CNTN4: variants seen among roughly 807,000 people sequenced by gnomAD.
CNTN4 encodes the protein contactin 4.
In CNTN4, 77 loss-of-function variants were observed where a neutral mutation model predicts 122.5. The ratio of observed to expected loss-of-function variants is 0.63; its 90% CI spans 0.52 to 0.76. The LOEUF is 0.76. CNTN4 is among the 30% of genes least tolerant of loss of function. CNTN4 has a pLI of 0.00. For synonymous variants in CNTN4, 512 were observed against 447.0 expected (o/e 1.15, Z -1.83); for missense variants, 1,256 against 1,259.1 (o/e 1.00, Z 0.04).
At chr3:2,751,436 T>G (rs1399183962) in intron 6 of CNTN4, among the ~76,000 whole-genome samples, 2 of 152,234 alleles carry the variant, frequency 1.3e-5, no homozygotes, top group Non-Finnish European at 2.9e-5. Flanking sequence ...CATGAAGTGT[T>G]TCAAAGGAAA....
At chr3:2,983,526 C>T (rs1288774429) in intron 13 of CNTN4, among the ~76,000 whole-genome samples, 1 of 152,178 alleles carries the variant, frequency 6.6e-6, no homozygotes, top group Non-Finnish European at 1.5e-5. Context: ...ATGAGTGTCT[C>T]ACTGACATAT....
intron 3 of CNTN4, among the ~76,000 whole-genome samples, chr3:2,463,859 G>A (rs186674080): frequency 2.0e-5 from 3 of 152,286 alleles, no homozygotes; most frequent in African/African-American, 7.2e-5. Context: ...ACTACGGTAT[G>A]ATATGTCATG....
intron 6 of CNTN4, among the ~76,000 whole-genome samples, chr3:2,814,553 C>T (rs139238898): frequency 3.9e-4 from 59 of 152,296 alleles, no homozygotes; most frequent in African/African-American, 1.4e-3. Context: ...AGTACTTATA[C>T]CAACCCATCA....
chr3:2,834,233 G>C (rs1576987889), intron 7 of CNTN4, among the ~76,000 whole-genome samples: 1 of 152,108 alleles, frequency 6.6e-6, no homozygotes, highest in East Asian at 1.9e-4. Context: ...AAATAAAAAT[G>C]GGATATGTAC....
intron 2 of CNTN4, among the ~76,000 whole-genome samples, chr3:2,204,483 T>C (rs1426713857): frequency 6.6e-6 from 1 of 152,212 alleles, no homozygotes; most frequent in East Asian, 1.9e-4. Flanking sequence ...TTTGCACTTT[T>C]GTGTATCTCT....
intron 3 of CNTN4, among the ~76,000 whole-genome samples, chr3:2,441,965 A>G (rs946529319): frequency 2.6e-5 from 4 of 152,204 alleles, no homozygotes; most frequent in African/African-American, 9.6e-5. Flanking sequence ...TCTTAGCAAC[A>G]TATACTTCCT....
chr3:2,902,095 C>G (rs765754122), intron 11 of CNTN4, among the ~76,000 whole-genome samples: 7 of 152,128 alleles, frequency 4.6e-5, no homozygotes, highest in Non-Finnish European at 8.8e-5. Context: ...TGATCAAAGT[C>G]TAATAAAGTG....
chr3:2,381,463 C>G (rs1025876844), intron 3 of CNTN4, among the ~76,000 whole-genome samples: 1 of 152,174 alleles, frequency 6.6e-6, no homozygotes, highest in African/African-American at 2.4e-5. Context: ...ACTTAGCTAT[C>G]ACTAGTCTGG....
chr3:2,141,838 C>G (rs2035012002), intron 2 of CNTN4, among the ~76,000 whole-genome samples: 1 of 152,104 alleles, frequency 6.6e-6, no homozygotes, highest in African/African-American at 2.4e-5. Flanking sequence ...CTTATGATTG[C>G]CTCCAAAATG....
At chr3:2,575,224 A>C (rs1437733460) in intron 4 of CNTN4, among the ~76,000 whole-genome samples, 1 of 152,108 alleles carries the variant, frequency 6.6e-6, no homozygotes, top group Non-Finnish European at 1.5e-5. Flanking sequence ...GTAATTAAAA[A>C]AAATAAGGCC....
chr3:2,489,776 C>A (rs2076262293), intron 3 of CNTN4, among the ~76,000 whole-genome samples: 1 of 152,168 alleles, frequency 6.6e-6, no homozygotes, highest in African/African-American at 2.4e-5. Flanking sequence ...GGAATTTAGT[C>A]TTTTTCTTCT....
chr3:2,500,589 C>G (rs2076569225), intron 3 of CNTN4, among the ~76,000 whole-genome samples: 1 of 152,048 alleles, frequency 6.6e-6, no homozygotes. Context: ...TTCTCTCCAT[C>G]TTGGGTATCC....
Position 3,031,075 on chromosome 3 carries a change from AAGTC to A in CNTN4, c.1783+103_1783+106del, listed in dbSNP as rs1336970912. 2.9e-5 allele frequency: 43 copies of A among 1,485,918 alleles called. 1 individual carries two copies. The African/African-American group carries it at 4.3e-4, about 15-fold the overall frequency. 92.0% of individuals were successfully genotyped at this position (1,485,918 alleles called of 1,614,324 possible). A position where few individuals can be genotyped will look rare whatever the true frequency, so the allele number is the denominator to read the frequency against. On this transcript the variant is annotated intron_variant, in intron 16 of 24. Coordinates refer to ENST00000418658, the MANE Select transcript of CNTN4 (RefSeq NM_175607.3). ...CTCAGTGGTTTAGAATTATGGGAAA[AAGTC>A]AGGCAGAAGCTGAACATTGTAAACA...
chr3:2,883,170 A>T lies in CNTN4; in HGVS notation c.678A>T (p.Lys226Asn). ...NDGVMGEYEPKIEVQFPETVP... is the reference protein window; with the variant it reads ...NDGVMGEYEPNIEVQFPETVP... ...GAGTGATGGGTGAATATGAGCCCAA[A>T]ATAGAAGTGCAGTTCCCAGAAACAG... is the stretch of plus-strand genomic sequence containing the variant. Residue 226 changes from lysine (K) to asparagine (N), a missense_variant, in exon 9 of 25, where the codon AAA (lysine) becomes AAT (asparagine). Physicochemically the swap from Lys to Asn is moderately conservative, Grantham distance 94. Transcript: ENST00000418658. 1 of 1,613,804 alleles carries T rather than the reference A, an allele frequency of 6.2e-7. No individual in the cohort carries two copies. The highest frequency in any genetic ancestry group is 8.5e-7 in the Non-Finnish European group (1 of 1,179,780).
chr3:2,287,355 A>T (rs1295752262), intron 2 of CNTN4, among the ~76,000 whole-genome samples: 2 of 152,000 alleles, frequency 1.3e-5, no homozygotes, highest in African/African-American at 4.8e-5. Context: ...TTATCCTAAC[A>T]CTTTGGGAGG....
chr3:2,358,728 A>G (rs907809832), intron 3 of CNTN4, among the ~76,000 whole-genome samples: 3 of 152,212 alleles, frequency 2.0e-5, no homozygotes, highest in African/African-American at 7.2e-5. Context: ...TCATGCAGCT[A>G]AAACGGTATT....
intron 12 of CNTN4, among the ~76,000 whole-genome samples, chr3:2,921,778 A>G (rs1223638384): frequency 6.6e-6 from 1 of 152,228 alleles, no homozygotes; most frequent in Non-Finnish European, 1.5e-5. Flanking sequence ...TTAAGGAGCT[A>G]TCATTCTACT....
intron 7 of CNTN4, among the ~76,000 whole-genome samples, chr3:2,856,563 G>A (rs1185624434): frequency 1.3e-5 from 2 of 149,240 alleles, no homozygotes; most frequent in Non-Finnish European, 3.0e-5. Flanking sequence ...ATTTCGTGGG[G>A]AAGTGCAAAT....
At chr3:2,121,099 T>C (rs149462886) in intron 2 of CNTN4, among the ~76,000 whole-genome samples, 4 of 139,762 alleles carry the variant, frequency 2.9e-5, no homozygotes, top group South Asian at 2.2e-4. Context: ...TTCCCTCCCT[T>C]CTTCCTTCCT....
Sources: gnomAD v4.1 joint callset for allele counts (sites outside exome capture counted in the v4.1 genomes callset) on GRCh38, gnomAD v4.1.1 for gene constraint, MANE v1.5 for transcripts, NCBI Gene and HGNC (gene_info 2026-07-23, HGNC 2026-07-21) for gene names.